EEIG2: variants seen among roughly 807,000 people sequenced by gnomAD.
EEIG2 encodes the protein family with sequence similarity 102 member B.
chr1:108,579,766 T>TGAGAGA, the EEIG2 span, among the ~76,000 whole-genome samples: 24 of 14,790 alleles, frequency 1.6e-3, no homozygotes, highest in Non-Finnish European at 3.5e-3. Flanking sequence ...TGTGTGTGTG[T>TGAGAGA]GTGTGTGAGA....
the EEIG2 span, among the ~76,000 whole-genome samples, chr1:108,585,290 A>G: frequency 6.6e-6 from 1 of 152,190 alleles, no homozygotes; most frequent in Non-Finnish European, 1.5e-5. Context: ...CCTAGCTGCC[A>G]CATGACTCTC....
the EEIG2 span, chr1:108,624,894 T>G: frequency 1.6e-6 from 1 of 644,470 alleles, no homozygotes; most frequent in Non-Finnish European, 2.7e-6. Flanking sequence ...GTTGATCCAG[T>G]GCTTTATTTT....
chr1:108,560,295 TGCGGCGCCCCCCGGCCGC>T, the EEIG2 span: 1 of 597,292 alleles, frequency 1.7e-6, no homozygotes, highest in Non-Finnish European at 2.1e-6. Flanking sequence ...GCGGCCGGCC[TGCGGCGCCCCCCGGCCGC>T]GCCCCCGCGC....
At chr1:108,572,258 C>T in the EEIG2 span, among the ~76,000 whole-genome samples, 3 of 152,190 alleles carry the variant, frequency 2.0e-5, no homozygotes, top group African/African-American at 4.8e-5. Flanking sequence ...ACTTCTTCTG[C>T]CTGCCCTTTT....
the EEIG2 span, among the ~76,000 whole-genome samples, chr1:108,592,585 C>G: frequency 6.6e-6 from 1 of 152,002 alleles, no homozygotes; most frequent in Non-Finnish European, 1.5e-5. Context: ...GGCTTATTGC[C>G]CAGGAAGTGA....
chr1:108,578,372 T>C, the EEIG2 span, among the ~76,000 whole-genome samples: 1 of 122,702 alleles, frequency 8.1e-6, no homozygotes, highest in African/African-American at 3.3e-5. Flanking sequence ...ATCCCTGTCT[T>C]GTGCCAGTTT....
At chr1:108,637,908 C>T in the EEIG2 span, 1 of 152,506 alleles carries the variant, frequency 6.6e-6, no homozygotes, top group Non-Finnish European at 1.5e-5. Flanking sequence ...TTGTTGACTC[C>T]CCTTTGTGGT....
At chr1:108,632,902 C>A in the EEIG2 span, among the ~76,000 whole-genome samples, 2 of 151,358 alleles carry the variant, frequency 1.3e-5, no homozygotes, top group Admixed American at 6.6e-5. Flanking sequence ...CGGGCTCAGC[C>A]TGCTGAGTAA....
chr1:108,564,252 G>C, the EEIG2 span, among the ~76,000 whole-genome samples: 2 of 151,932 alleles, frequency 1.3e-5, no homozygotes, highest in African/African-American at 2.4e-5. Flanking sequence ...CTGTATTCAA[G>C]GTTGGGTGGG....
chr1:108,594,601 A>G, the EEIG2 span, among the ~76,000 whole-genome samples: 1 of 152,190 alleles, frequency 6.6e-6, no homozygotes, highest in Non-Finnish European at 1.5e-5. Flanking sequence ...AGTAGTTAAT[A>G]TGTGTAATTT....
chr1:108,580,905 T>A, the EEIG2 span, among the ~76,000 whole-genome samples: 1 of 152,200 alleles, frequency 6.6e-6, no homozygotes, highest in Non-Finnish European at 1.5e-5. Context: ...AAGGGGGCTA[T>A]GCTAAACAAC....
the EEIG2 span, chr1:108,612,187 G>T: frequency 6.2e-7 from 1 of 1,610,816 alleles, no homozygotes; most frequent in South Asian, 1.1e-5. Flanking sequence ...GCTGGGCTTT[G>T]CAGATCTAAA....
chr1:108,628,287 T>C, the EEIG2 span: 25 of 1,613,286 alleles, frequency 1.5e-5, 1 homozygote, highest in South Asian at 2.6e-4. Context: ...TGAAGTTGAA[T>C]TCCTTATTGT....
At chr1:108,565,119 A>G in the EEIG2 span, among the ~76,000 whole-genome samples, 1 of 152,216 alleles carries the variant, frequency 6.6e-6, no homozygotes, top group Non-Finnish European at 1.5e-5. Context: ...TTTACATGCC[A>G]TAGTTAATAA....
At chr1:108,590,906 ATTTTAC>A in the EEIG2 span, among the ~76,000 whole-genome samples, 2 of 151,974 alleles carry the variant, frequency 1.3e-5, no homozygotes, top group Non-Finnish European at 2.9e-5. Context: ...TTTTCCTTTT[ATTTTAC>A]TTTTATTTTT....
chr1:108,630,746 A>G, the EEIG2 span, among the ~76,000 whole-genome samples: 1 of 152,188 alleles, frequency 6.6e-6, no homozygotes, highest in Non-Finnish European at 1.5e-5. Flanking sequence ...CTTGCTCCTT[A>G]ACAACCTGCT....
At chr1:108,598,394 AT>A in the EEIG2 span, among the ~76,000 whole-genome samples, 3 of 148,198 alleles carry the variant, frequency 2.0e-5, no homozygotes, top group African/African-American at 7.4e-5. Flanking sequence ...TTTTATTACT[AT>A]TCACAGTTTT....
chr1:108,632,871 G>T, the EEIG2 span, among the ~76,000 whole-genome samples: 1 of 151,706 alleles, frequency 6.6e-6, no homozygotes, highest in African/African-American at 2.4e-5. Flanking sequence ...CACAATCTCA[G>T]CTCACTGCAG....
At chr1:108,638,908 A>G in the EEIG2 span, 1 of 152,254 alleles carries the variant, frequency 6.6e-6, no homozygotes, top group African/African-American at 2.4e-5. Flanking sequence ...CCATACAACA[A>G]AGCTGACAAA....
Sources: allele counts gnomAD v4.1 joint callset (sites outside exome capture counted in the v4.1 genomes callset), GRCh38; gene constraint gnomAD v4.1.1; transcripts MANE v1.5; gene names NCBI Gene and HGNC (gene_info 2026-07-23, HGNC 2026-07-21).